The following RIMS1 variants were observed in gnomAD, a reference collection of about 807,000 sequenced individuals.
The protein encoded by RIMS1 is regulating synaptic membrane exocytosis 1, also known as regulating synaptic membrane exocytosis protein 1.
A neutral mutation model predicts 214.1 loss-of-function variants in RIMS1; 83 were observed. That is an observed-to-expected ratio of 0.39 (90% confidence interval 0.32 to 0.47). The LOEUF (loss-of-function observed/expected upper bound fraction) is 0.47, where lower values mean the gene tolerates loss of function less well. Ranked by LOEUF, RIMS1 falls within the 20% of genes least tolerant of loss-of-function variation. The pLI is 0.99. For synonymous variants in RIMS1, 793 were observed against 786.8 expected, an observed-to-expected ratio of 1.01 and a Z score of -0.13; for missense variants, 2,050 against 2,161.8, an observed-to-expected ratio of 0.95 and a Z score of 1.03.
At chr6:72,234,472 C>T (rs1042198657) in intron 7 of RIMS1, among the ~76,000 whole-genome samples, 2 of 152,034 alleles carry the variant, frequency 1.3e-5, no homozygotes, top group Non-Finnish European at 2.9e-5. Flanking sequence ...CACTTCCTTA[C>T]TCCACCCCTT....
In RIMS1 at chr6:71,977,137, A is replaced by G. The variant is rs577161239; in HGVS notation, c.245+8074A>G. ...CTGTTACCACCTCAGACACATCCCCATCATGAATATAATTTCTCTCAATGT... is the reference window on the plus strand; with the variant it reads ...CTGTTACCACCTCAGACACATCCCCGTCATGAATATAATTTCTCTCAATGT... On this transcript the variant is annotated intron_variant, in intron 2 of 33. Coordinates refer to ENST00000521978, the MANE Select transcript of RIMS1 (RefSeq NM_014989.7). Among the ~76,000 whole-genome samples, 26 of 152,260 alleles carry G rather than the reference A, an allele frequency of 1.7e-4. No individual in the cohort carries two copies. In the South Asian group the frequency reaches 4.6e-3, roughly 27 times the overall value.
chr6:72,029,795 T>C (rs553245400), intron 2 of RIMS1, among the ~76,000 whole-genome samples: 9 of 152,280 alleles, frequency 5.9e-5, no homozygotes, highest in Admixed American at 2.6e-4. Flanking sequence ...AATTAAGATA[T>C]TAAGCAATTC....
At chr6:72,000,695 C>G (rs184162996) in intron 2 of RIMS1, among the ~76,000 whole-genome samples, 86 of 152,302 alleles carry the variant, frequency 5.6e-4, no homozygotes, top group Middle Eastern at 3.4e-3. Context: ...TCTGCCCCAT[C>G]TAGCCACAAA....
At chr6:72,194,469 A>G (rs60749294) in intron 6 of RIMS1, among the ~76,000 whole-genome samples, 40,320 of 151,896 alleles carry the variant, frequency 0.27, 6,122 homozygotes, top group Non-Finnish European at 0.34. Context: ...GGTATTTCAC[A>G]TTTTCTATGT....
intron 26 of RIMS1, among the ~76,000 whole-genome samples, chr6:72,302,307 G>A (rs768070398): frequency 3.9e-4 from 59 of 151,370 alleles, no homozygotes; most frequent in Non-Finnish European, 7.0e-4. Context: ...AAAAACTGTG[G>A]GCAGAGACTA....
intron 1 of RIMS1, among the ~76,000 whole-genome samples, chr6:71,958,223 C>G (rs758019851): frequency 3.3e-5 from 5 of 152,026 alleles, no homozygotes; most frequent in Non-Finnish European, 5.9e-5. Flanking sequence ...GAGCAGGTTT[C>G]CTGTATTTGT....
chr6:72,365,335 A>G (rs913349264), intron 29 of RIMS1, among the ~76,000 whole-genome samples: 1 of 152,190 alleles, frequency 6.6e-6, no homozygotes, highest in Non-Finnish European at 1.5e-5. Context: ...CCACATGGAT[A>G]TGGCAGCCTT....
At chr6:72,291,858 C>T in intron 25 of RIMS1, 76 bp from the exon 26 acceptor site, 1 of 1,077,748 alleles carries the variant, frequency 9.3e-7, no homozygotes, top group South Asian at 1.3e-5. Context: ...TTAATCGTAA[C>T]AGAAAGGAGG....
At chr6:72,168,411 T>C (rs961486896) in intron 4 of RIMS1, among the ~76,000 whole-genome samples, 22 of 152,160 alleles carry the variant, frequency 1.4e-4, no homozygotes, top group Non-Finnish European at 2.5e-4. Context: ...GGTTTGAAGT[T>C]TGGACTGGGG....
At chr6:72,092,304 C>G (rs937723463) in intron 2 of RIMS1, among the ~76,000 whole-genome samples, 1 of 136,304 alleles carries the variant, frequency 7.3e-6, no homozygotes, top group African/African-American at 2.7e-5. Flanking sequence ...TTCCTTCCTT[C>G]CTTCCTTCCT....
chr6:72,090,179 AT>A (rs1164533694), intron 2 of RIMS1, among the ~76,000 whole-genome samples: 3 of 151,996 alleles, frequency 2.0e-5, no homozygotes, highest in African/African-American at 7.2e-5. Flanking sequence ...ATAAAAAAAA[AT>A]TTTTTTTATA....
chr6:72,085,401 T>G (rs1834401526), intron 2 of RIMS1, among the ~76,000 whole-genome samples: 1 of 152,180 alleles, frequency 6.6e-6, no homozygotes, highest in Admixed American at 6.5e-5. Context: ...AATGTGCACA[T>G]TTCTGTGATT....
At chr6:72,372,195 A>G (rs1465368536) in intron 29 of RIMS1, among the ~76,000 whole-genome samples, 1 of 152,226 alleles carries the variant, frequency 6.6e-6, no homozygotes, top group Admixed American at 6.5e-5. Context: ...GGTGAGAATC[A>G]TGAATTTTCA....
intron 26 of RIMS1, among the ~76,000 whole-genome samples, chr6:72,300,731 A>G (rs1422572698): frequency 1.3e-5 from 2 of 151,804 alleles, no homozygotes; most frequent in Non-Finnish European, 3.0e-5. Context: ...TTCTTTTATA[A>G]GAGCCTGACT....
chr6:72,015,900 T>TGA (rs1407371575), intron 2 of RIMS1, among the ~76,000 whole-genome samples: 1 of 152,168 alleles, frequency 6.6e-6, no homozygotes, highest in Admixed American at 6.5e-5. Flanking sequence ...TACTCCAGGC[T>TGA]GGGTGACAGA....
chr6:72,235,360 A>C (rs1444966790), intron 7 of RIMS1, among the ~76,000 whole-genome samples: 1 of 151,752 alleles, frequency 6.6e-6, no homozygotes, highest in African/African-American at 2.4e-5. Flanking sequence ...CCTTCTCCCT[A>C]CCTTCCCAGC....
chr6:72,183,274 G>A (rs1038900224), intron 6 of RIMS1, 125 bp downstream of exon 6: 3 of 809,904 alleles, frequency 3.7e-6, no homozygotes, highest in Non-Finnish European at 5.7e-6. Flanking sequence ...ATAAGATAGC[G>A]TTACCGCCAG....
At chr6:71,946,202 G>A (rs1273345036) in intron 1 of RIMS1, among the ~76,000 whole-genome samples, 1 of 152,158 alleles carries the variant, frequency 6.6e-6, no homozygotes, top group Non-Finnish European at 1.5e-5. Context: ...CTGTGTTCAT[G>A]GGTTGGAATG....
At chr6:71,911,168 A>G (rs1776777947) in intron 1 of RIMS1, among the ~76,000 whole-genome samples, 1 of 152,074 alleles carries the variant, frequency 6.6e-6, no homozygotes, top group South Asian at 2.1e-4. Flanking sequence ...AGTTCTGTTG[A>G]GCTCCAGATT....
Sources: allele counts gnomAD v4.1 joint callset (sites outside exome capture counted in the v4.1 genomes callset), GRCh38; gene constraint gnomAD v4.1.1; transcripts MANE v1.5; gene names NCBI Gene and HGNC (gene_info 2026-07-23, HGNC 2026-07-21).